Variants in SORCS2 observed in about 807,000 individuals in gnomAD.
SORCS2 encodes sortilin related VPS10 domain containing receptor 2.
In SORCS2, 100 loss-of-function variants were observed where a neutral mutation model predicts 141.6. That is an observed-to-expected ratio of 0.71 (90% CI 0.60 to 0.83). The LOEUF is 0.83. Among genes scored for constraint, SORCS2 ranks in the 40% least tolerant of loss-of-function variants. SORCS2 has a pLI of 0.00. For synonymous variants in SORCS2, 789 were observed against 676.9 expected (o/e 1.17, Z -2.57); for missense variants, 1,646 against 1,560.2 (o/e 1.05, Z -0.93).
intron 5 of SORCS2, 61 bp downstream of exon 5, chr4:7,654,268 C>T (rs1721616579): frequency 2.0e-6 from 3 of 1,524,094 alleles, no homozygotes; most frequent in Non-Finnish European, 2.7e-6. Context: ...AGCACTTCCC[C>T]CAAACCCTTG....
intron 1 of SORCS2, among the ~76,000 whole-genome samples, chr4:7,196,819 A>G (rs2108851207): frequency 6.6e-6 from 1 of 152,338 alleles, no homozygotes; most frequent in Non-Finnish European, 1.5e-5. Flanking sequence ...AGCTAGAGCT[A>G]CACATCAGAA....
intron 2 of SORCS2, among the ~76,000 whole-genome samples, chr4:7,422,163 A>C (rs1479424710): frequency 6.6e-6 from 1 of 152,210 alleles, no homozygotes; most frequent in African/African-American, 2.4e-5. Flanking sequence ...ACCTGGGTTC[A>C]GCATGTCAGA....
At position 7,331,696 on chromosome 4, in the gene SORCS2, G is replaced by A. The variant is rs111305953; in HGVS notation, c.481-64592G>A. ...TGCACATTCTGATTCAGTGGGTCGGGGTGAAGCAGGAAAGTCTGTTTCTAA... is the reference window on the plus strand; with the variant it reads ...TGCACATTCTGATTCAGTGGGTCGGAGTGAAGCAGGAAAGTCTGTTTCTAA... On this transcript the variant is annotated intron_variant, in intron 1 of 26. Coordinates refer to ENST00000507866, the MANE Select transcript of SORCS2 (RefSeq NM_020777.3). 1.3e-3 allele frequency among the ~76,000 whole-genome samples: 199 copies of A among 152,308 alleles called. 1 individual carries two copies. The highest frequency in any genetic ancestry group is 4.5e-3 in the African/African-American group (187 of 41,566).
At chr4:7,490,322 C>A (rs889919174) in intron 2 of SORCS2, among the ~76,000 whole-genome samples, 1 of 152,168 alleles carries the variant, frequency 6.6e-6, no homozygotes, top group Non-Finnish European at 1.5e-5. Context: ...TCCCAGCCTG[C>A]CTCCCTCTGC....
At chr4:7,572,581 C>T (rs539131892) in intron 3 of SORCS2, among the ~76,000 whole-genome samples, 50 of 152,102 alleles carry the variant, frequency 3.3e-4, no homozygotes, top group Non-Finnish European at 5.4e-4. Context: ...ACTTGATGCT[C>T]GTGGCCTTCA....
intron 1 of SORCS2, among the ~76,000 whole-genome samples, chr4:7,295,274 C>T (rs994710338): frequency 3.5e-5 from 5 of 144,320 alleles, no homozygotes; most frequent in Admixed American, 1.4e-4. Context: ...CACAATGAGG[C>T]GATTGTGCAC....
At chr4:7,292,269 A>T (rs1220004896) in intron 1 of SORCS2, among the ~76,000 whole-genome samples, 1 of 150,360 alleles carries the variant, frequency 6.7e-6, no homozygotes, top group Admixed American at 6.6e-5. Context: ...CGGTCCGTTC[A>T]CCAAGGAGGC....
At chr4:7,281,720 T>A (rs1715898255) in intron 1 of SORCS2, among the ~76,000 whole-genome samples, 1 of 152,086 alleles carries the variant, frequency 6.6e-6, no homozygotes, top group South Asian at 2.1e-4. Context: ...GGCTCCCCCA[T>A]GAGAATAATT....
chr4:7,686,032 G>T (rs974829087), intron 10 of SORCS2, among the ~76,000 whole-genome samples: 1 of 152,214 alleles, frequency 6.6e-6, no homozygotes, highest in Non-Finnish European at 1.5e-5. Context: ...CACACGTTAT[G>T]AAGTTGTCAT....
chr4:7,675,917 C>A, intron 8 of SORCS2, 133 bp from the exon 9 acceptor site: 2 of 1,026,634 alleles, frequency 1.9e-6, no homozygotes, highest in Non-Finnish European at 2.8e-6. Flanking sequence ...AGCCAGGAGG[C>A]AAACCTAGGC....
intron 2 of SORCS2, among the ~76,000 whole-genome samples, chr4:7,427,192 G>A (rs1025248707): frequency 6.6e-6 from 1 of 152,102 alleles, no homozygotes; most frequent in African/African-American, 2.4e-5. Flanking sequence ...GGCACATGGA[G>A]GGTGACCTAG....
chr4:7,218,177 A>G (rs756713506), intron 1 of SORCS2, among the ~76,000 whole-genome samples: 8 of 152,272 alleles, frequency 5.3e-5, no homozygotes, highest in Non-Finnish European at 8.8e-5. Context: ...AGAAGGTCAG[A>G]TTGAGCAATT....
chr4:7,193,049 A>G lies in SORCS2; in HGVS notation c.403A>G (p.Ile135Val). Residue 135 changes from isoleucine to valine, a missense_variant, in exon 1 of 27, where the codon ATC becomes GTC. Transcript: ENST00000507866. This position sits in a 1 kb window ranked among gnomAD's most constrained non-coding sequence, Gnocchi z 4.8. Reference sequence around the variant, plus strand: ...GGCTTCGCGGGCGCAGGTCTCGCTCATCAGCACGTCGTTCGTGCTCAAGGG... The same window carrying G: ...GGCTTCGCGGGCGCAGGTCTCGCTCGTCAGCACGTCGTTCGTGCTCAAGGG... ...GVASRAQVSL[I>V]STSFVLKGDA... is the part of the protein sequence containing the mutation. 1.3e-6 allele frequency: 2 copies of G among 1,539,896 alleles called. No homozygotes were observed. The highest frequency in any genetic ancestry group is 2.4e-5 in the South Asian group (2 of 84,524).
At chr4:7,360,497 C>A (rs1309857068) in intron 1 of SORCS2, among the ~76,000 whole-genome samples, 6 of 151,008 alleles carry the variant, frequency 4.0e-5, no homozygotes, top group Non-Finnish European at 8.8e-5. Flanking sequence ...CTTGCTGCTG[C>A]CCCTCTGAGT....
At chr4:7,485,622 G>A (rs892604140) in intron 2 of SORCS2, among the ~76,000 whole-genome samples, 1 of 152,262 alleles carries the variant, frequency 6.6e-6, no homozygotes, top group Non-Finnish European at 1.5e-5. Flanking sequence ...GGAAACGGAG[G>A]TTGTGGGGTC....
At chr4:7,209,017 C>T (rs775623039) in intron 1 of SORCS2, among the ~76,000 whole-genome samples, 14 of 152,334 alleles carry the variant, frequency 9.2e-5, no homozygotes, top group Non-Finnish European at 1.8e-4. Flanking sequence ...TTCTGCCCTC[C>T]ATGGAGGGAG....
intron 18 of SORCS2, among the ~76,000 whole-genome samples, chr4:7,722,738 G>T (rs182612201): frequency 9.8e-4 from 149 of 152,324 alleles, no homozygotes; most frequent in Middle Eastern, 3.4e-3. Context: ...CCCGGTAGAC[G>T]TGAATTTTGG....
chr4:7,264,891 T>G (rs945732726), intron 1 of SORCS2, among the ~76,000 whole-genome samples: 1 of 152,234 alleles, frequency 6.6e-6, no homozygotes, highest in African/African-American at 2.4e-5. Flanking sequence ...CACCCTGCCA[T>G]GCCAGACCCC....
Position 7,258,833 on chromosome 4 carries a change from G to A in SORCS2, c.480+65707G>A, listed in dbSNP as rs559545723. Among the ~76,000 whole-genome samples, 6 of 152,280 alleles carry A rather than the reference G, an allele frequency of 3.9e-5. No individual in the cohort carries two copies. In the South Asian group the frequency reaches 1.0e-3, roughly 26 times the overall value. On this transcript the variant is annotated intron_variant, in intron 1 of 26. Coordinates refer to ENST00000507866, the MANE Select transcript of SORCS2 (RefSeq NM_020777.3). ...ATGGCCATTCTAACTGGCCTGAGATGGTATCTCATTGTGGTTTTGATCTGC... is the reference window on the plus strand; with the variant it reads ...ATGGCCATTCTAACTGGCCTGAGATAGTATCTCATTGTGGTTTTGATCTGC...
Sources: allele counts gnomAD v4.1 joint callset (sites outside exome capture counted in the v4.1 genomes callset), GRCh38; gene constraint gnomAD v4.1.1; non-coding constraint Gnocchi (gnomAD v3.1); transcripts MANE v1.5; gene names NCBI Gene and HGNC (gene_info 2026-07-23, HGNC 2026-07-21).